Variants in PRKCA observed in about 807,000 individuals in gnomAD.
PRKCA encodes the protein protein kinase C alpha.
Under a neutral mutation model 87.0 loss-of-function variants are expected in PRKCA, and 27 were observed. The ratio of observed to expected loss-of-function variants is 0.31; its 90% confidence interval spans 0.23 to 0.43. PRKCA has a LOEUF of 0.43. Among genes scored for constraint, PRKCA ranks in the 20% least tolerant of loss-of-function variants. PRKCA has a pLI of 1.00. For synonymous variants in PRKCA, 329 were observed against 311.1 expected (o/e 1.06, Z -0.61); for missense variants, 518 against 852.3 (o/e 0.61, Z 4.88).
chr17:66,490,010 A>G (rs1472616490), intron 2 of PRKCA, among the ~76,000 whole-genome samples: 6 of 152,012 alleles, frequency 3.9e-5, no homozygotes, highest in East Asian at 1.9e-4. Context: ...CAAACTCTTG[A>G]CCTCAAGTGA....
intron 2 of PRKCA, among the ~76,000 whole-genome samples, chr17:66,442,785 G>C (rs975452040): frequency 6.6e-6 from 1 of 152,168 alleles, no homozygotes; most frequent in East Asian, 1.9e-4. Context: ...CATTTGTCAG[G>C]TGTTTGTGTT....
chr17:66,421,428 G>GTT (rs55825622), intron 2 of PRKCA, among the ~76,000 whole-genome samples: 7,759 of 116,698 alleles, frequency 0.066, 263 homozygotes, highest in African/African-American at 0.089. Flanking sequence ...CACAGCCTCT[G>GTT]TTTTTTTTTT....
chr17:66,719,235 C>T (rs1197968039), intron 8 of PRKCA, among the ~76,000 whole-genome samples: 1 of 152,048 alleles, frequency 6.6e-6, no homozygotes, highest in African/African-American at 2.4e-5. Context: ...TACAGTAGAG[C>T]CGTGTAGTAG....
chr17:66,697,963 C>G (rs1972965704), intron 8 of PRKCA, among the ~76,000 whole-genome samples: 1 of 152,164 alleles, frequency 6.6e-6, no homozygotes, highest in Admixed American at 6.5e-5. Context: ...CCTAACCTAG[C>G]TTTGCAGGAT....
At chr17:66,384,638 T>C (rs1305546639) in intron 2 of PRKCA, among the ~76,000 whole-genome samples, 3 of 152,294 alleles carry the variant, frequency 2.0e-5, no homozygotes, top group Admixed American at 6.5e-5. Context: ...AAATGACTTT[T>C]TTTTTTTTGA....
At chr17:66,383,491 C>T (rs1461839512) in intron 2 of PRKCA, among the ~76,000 whole-genome samples, 4 of 151,942 alleles carry the variant, frequency 2.6e-5, no homozygotes, top group Non-Finnish European at 2.9e-5. Flanking sequence ...TGATCATTGT[C>T]GTCACAACCC....
chr17:66,409,209 T>G (rs988584168), intron 2 of PRKCA, among the ~76,000 whole-genome samples: 2 of 152,192 alleles, frequency 1.3e-5, no homozygotes, highest in African/African-American at 2.4e-5. Flanking sequence ...TGGGATGGGA[T>G]GGAGGCAGGG....
chr17:66,622,991 C>T (rs994141907), intron 3 of PRKCA, among the ~76,000 whole-genome samples: 1 of 152,180 alleles, frequency 6.6e-6, no homozygotes, highest in South Asian at 2.1e-4. Context: ...CCCAGGAAAC[C>T]GTTGATTTGT....
intron 3 of PRKCA, among the ~76,000 whole-genome samples, chr17:66,619,918 C>G (rs1970627009): frequency 6.6e-6 from 1 of 152,078 alleles, no homozygotes; most frequent in African/African-American, 2.4e-5. Flanking sequence ...ACGAAGGAGA[C>G]TAGATTTGGT....
At chr17:66,610,868 AT>A (rs1397050977) in intron 3 of PRKCA, among the ~76,000 whole-genome samples, 1 of 152,204 alleles carries the variant, frequency 6.6e-6, no homozygotes, top group African/African-American at 2.4e-5. Flanking sequence ...GAGACTGTCC[AT>A]TACAGTACAA....
chr17:66,579,080 G>T (rs1478104543), intron 3 of PRKCA, among the ~76,000 whole-genome samples: 2 of 152,240 alleles, frequency 1.3e-5, no homozygotes, highest in Non-Finnish European at 2.9e-5. Flanking sequence ...ATGTGCACAT[G>T]TGCGTTCCCT....
At chr17:66,745,595 C>T (rs1026559654) in intron 13 of PRKCA, among the ~76,000 whole-genome samples, 1 of 152,032 alleles carries the variant, frequency 6.6e-6, no homozygotes, top group Non-Finnish European at 1.5e-5. Context: ...GCAGGAGAAT[C>T]GCTTGAACCT....
chr17:66,319,735 CT>C (rs35439479), intron 2 of PRKCA, among the ~76,000 whole-genome samples: 88,627 of 150,166 alleles, frequency 0.59, 26,110 homozygotes, highest in South Asian at 0.64. Flanking sequence ...TCATATACTT[CT>C]TTTTTTTTTT....
At chr17:66,543,219 A>G (rs1353225700) in intron 3 of PRKCA, among the ~76,000 whole-genome samples, 1 of 152,216 alleles carries the variant, frequency 6.6e-6, no homozygotes, top group African/African-American at 2.4e-5. Flanking sequence ...GTATTTATAT[A>G]AAATGTAAGT....
At chr17:66,791,790 A>G (rs1975544598) in intron 16 of PRKCA, among the ~76,000 whole-genome samples, 1 of 152,244 alleles carries the variant, frequency 6.6e-6, no homozygotes, top group African/African-American at 2.4e-5. Flanking sequence ...TCGAAGCTGC[A>G]CAATACGCTC....
chr17:66,389,170 A>G (rs986228007), intron 2 of PRKCA, among the ~76,000 whole-genome samples: 1 of 152,200 alleles, frequency 6.6e-6, no homozygotes, highest in African/African-American at 2.4e-5. Context: ...CCTTTTCCTT[A>G]CATCTTCCTG....
intron 2 of PRKCA, among the ~76,000 whole-genome samples, chr17:66,343,274 G>A (rs915549309): frequency 1.6e-4 from 25 of 152,118 alleles, no homozygotes; most frequent in Non-Finnish European, 3.5e-4. Context: ...TACACTGTGG[G>A]CTGTTCATAA....
At chr17:66,614,351 G>A (rs1970461029) in intron 3 of PRKCA, among the ~76,000 whole-genome samples, 1 of 152,206 alleles carries the variant, frequency 6.6e-6, no homozygotes, top group Non-Finnish European at 1.5e-5. Context: ...TAAAAATCCA[G>A]ATGGAAATTG....
At chr17:66,493,717 T>C in intron 2 of PRKCA, among the ~76,000 whole-genome samples, 1 of 152,114 alleles carries the variant, frequency 6.6e-6, no homozygotes, top group East Asian at 1.9e-4. Context: ...ATAATGCATG[T>C]GAAGGGACCC....
Sources: allele counts gnomAD v4.1 joint callset (sites outside exome capture counted in the v4.1 genomes callset), GRCh38; gene constraint gnomAD v4.1.1; transcripts MANE v1.5; gene names NCBI Gene and HGNC (gene_info 2026-07-23, HGNC 2026-07-21).